The following GNAO1 variants were observed in gnomAD, a reference collection of about 807,000 sequenced individuals.
The protein encoded by GNAO1 is guanine nucleotide-binding protein G(o) subunit alpha.
For synonymous variants in GNAO1, 164 were observed against 180.7 expected (o/e 0.91, Z 0.74); for missense variants, 166 against 478.7 (o/e 0.35, Z 6.10).
chr16:56,215,803 G>A (rs574522804), intron 2 of GNAO1, among the ~76,000 whole-genome samples: 16 of 152,282 alleles, frequency 1.1e-4, no homozygotes, highest in African/African-American at 3.9e-4. Context: ...TACATGATAT[G>A]TATCATTTGT....
chr16:56,284,034 T>C (rs1484378724), intron 3 of GNAO1, among the ~76,000 whole-genome samples: 19 of 152,256 alleles, frequency 1.2e-4, no homozygotes, highest in African/African-American at 4.6e-4. Flanking sequence ...CTCAGCAGGC[T>C]GCTTCCAGTT....
intron 2 of GNAO1, among the ~76,000 whole-genome samples, chr16:56,230,601 G>A (rs1425500796): frequency 2.0e-5 from 3 of 151,954 alleles, no homozygotes; most frequent in African/African-American, 7.3e-5. Flanking sequence ...TATGTGAAAC[G>A]GACCACTGAG....
chr16:56,283,568 A>G (rs1362573013), intron 3 of GNAO1, among the ~76,000 whole-genome samples: 1 of 152,236 alleles, frequency 6.6e-6, no homozygotes, highest in Non-Finnish European at 1.5e-5. Flanking sequence ...CCACCTCTAC[A>G]GTGCAGTGCG....
At chr16:56,269,502 T>A (rs2036993703) in intron 2 of GNAO1, among the ~76,000 whole-genome samples, 1 of 152,178 alleles carries the variant, frequency 6.6e-6, no homozygotes, top group South Asian at 2.1e-4. Context: ...GCACTCTACA[T>A]GGATTCATTC....
intron 2 of GNAO1, among the ~76,000 whole-genome samples, chr16:56,204,340 G>T (rs1445744660): frequency 6.6e-6 from 1 of 152,114 alleles, no homozygotes; most frequent in Non-Finnish European, 1.5e-5. Flanking sequence ...AGAGAGATCT[G>T]GGCTAGAAGG....
intron 3 of GNAO1, among the ~76,000 whole-genome samples, chr16:56,320,193 A>G (rs532153658): frequency 6.6e-6 from 1 of 152,276 alleles, no homozygotes; most frequent in East Asian, 1.9e-4. Context: ...AGTCCCAGCC[A>G]TGCCCCATAG....
chr16:56,233,779 G>A lies in GNAO1; in HGVS notation c.161+41163G>A, dbSNP rs117211898. On this transcript the variant is annotated intron_variant, in intron 2 of 8. Transcript: ENST00000262493. ...GAGTGCTTCTAGCTGTCTGAGGCAG[G>A]CTGAGGGCCCCTTGGCCACCTTGAC... 9.8e-3 allele frequency among the ~76,000 whole-genome samples: 1,499 copies of A among 152,310 alleles called. 50 individuals are homozygous for A. Among genetic ancestry groups the A allele is most frequent in the South Asian group, 0.069 (333 of 4,812 alleles).
chr16:56,225,963 G>A (rs1454056831), intron 2 of GNAO1, among the ~76,000 whole-genome samples: 1 of 152,026 alleles, frequency 6.6e-6, no homozygotes, highest in Middle Eastern at 3.4e-3. Context: ...GGAAAGGTGT[G>A]GGGAAAAAGC....
chr16:56,304,978 C>T (rs1252404401), intron 3 of GNAO1, among the ~76,000 whole-genome samples: 3 of 152,194 alleles, frequency 2.0e-5, no homozygotes, highest in Non-Finnish European at 2.9e-5. Flanking sequence ...TAGGGTTAGC[C>T]GGCCCCTTAT....
chr16:56,317,557 T>C (rs1008041914), intron 3 of GNAO1, among the ~76,000 whole-genome samples: 3 of 151,852 alleles, frequency 2.0e-5, no homozygotes, highest in Admixed American at 6.6e-5. Flanking sequence ...AAGGGATAGA[T>C]AGATGCCAGG....
chr16:56,242,498 A>G (rs1240609419), intron 2 of GNAO1, among the ~76,000 whole-genome samples: 1 of 152,230 alleles, frequency 6.6e-6, no homozygotes, highest in African/African-American at 2.4e-5. Flanking sequence ...TAGAATTGAG[A>G]GTCCAGGAAT....
intron 4 of GNAO1, chr16:56,329,113 G>A (rs1174364850): frequency 4.3e-6 from 1 of 233,692 alleles, no homozygotes; most frequent in Non-Finnish European, 8.3e-6. Flanking sequence ...AAGTGTAGCA[G>A]CTTTGTTTTT....
intron 2 of GNAO1, among the ~76,000 whole-genome samples, chr16:56,253,272 C>T (rs1407153484): frequency 1.3e-5 from 2 of 152,198 alleles, no homozygotes; most frequent in Non-Finnish European, 1.5e-5. Flanking sequence ...TGATCGACTC[C>T]TCCTGCCACT....
chr16:56,308,444 G>A (rs1342133005), intron 3 of GNAO1: 1 of 152,206 alleles, frequency 6.6e-6, no homozygotes, highest in Non-Finnish European at 1.5e-5. Context: ...AATGAGGCAG[G>A]AAGGAATGCG....
At chr16:56,284,654 C>A (rs1451771157) in intron 3 of GNAO1, among the ~76,000 whole-genome samples, 1 of 152,160 alleles carries the variant, frequency 6.6e-6, no homozygotes, top group African/African-American at 2.4e-5. Flanking sequence ...CACTCTACTT[C>A]ATGGTTGTCT....
rs2037456045 is a variant in GNAO1 at position 56,311,293 on chromosome 16, G to A, written c.304-17338G>A. The stretch of plus-strand genomic sequence containing the variant: ...AGCCCAGGTGGCATTTGGTGGCCCT[G>A]TAGTTTCAGAGAGTGAGTGCCAACC... On this transcript the variant is annotated intron_variant, in intron 3 of 8. Coordinates refer to ENST00000262493, the MANE Select transcript of GNAO1 (RefSeq NM_020988.3). This position sits in a 1 kb window ranked among gnomAD's most constrained non-coding sequence, Gnocchi z 5.2. Among the ~76,000 whole-genome samples the A allele has an allele frequency of 6.6e-6, 1 of 152,078 alleles. No homozygotes were observed. The highest frequency in any genetic ancestry group is 2.1e-4 in the South Asian group (1 of 4,816).
chr16:56,306,693 TC>T (rs1352670959), intron 3 of GNAO1, among the ~76,000 whole-genome samples: 1 of 152,130 alleles, frequency 6.6e-6, no homozygotes, highest in African/African-American at 2.4e-5. Flanking sequence ...CCAGGCTTCA[TC>T]TAATTAAGAT....
intron 2 of GNAO1, among the ~76,000 whole-genome samples, chr16:56,222,634 A>T (rs1045028296): frequency 5.3e-5 from 8 of 151,988 alleles, no homozygotes; most frequent in African/African-American, 1.9e-4. Flanking sequence ...TGACAGCCCT[A>T]CTCCAGGCTT....
chr16:56,335,331 G>A (rs1445179865), intron 5 of GNAO1, among the ~76,000 whole-genome samples: 2 of 152,212 alleles, frequency 1.3e-5, no homozygotes, highest in Non-Finnish European at 2.9e-5. Context: ...GGCCTGACAA[G>A]AGCAGGGCTT....
Sources: gnomAD v4.1 joint callset for allele counts (sites outside exome capture counted in the v4.1 genomes callset) on GRCh38, gnomAD v4.1.1 for gene constraint, Gnocchi (gnomAD v3.1) non-coding constraint, MANE v1.5 for transcripts, NCBI Gene and HGNC (gene_info 2026-07-23, HGNC 2026-07-21) for gene names.